The following RGS1 variants were observed in gnomAD, a reference collection of about 807,000 sequenced individuals.
RGS1 encodes regulator of G protein signaling 1, also known as B-cell activation protein BL34.
RGS1 carries 11 observed loss-of-function variants against 22.2 expected under a neutral mutation model. That is an observed-to-expected ratio of 0.50 (90% CI 0.31 to 0.82). The LOEUF (loss-of-function observed/expected upper bound fraction) is 0.82. Ranked by LOEUF, RGS1 falls within the 40% of genes least tolerant of loss-of-function variation. RGS1 has a pLI of 0.04. For synonymous variants in RGS1, 81 were observed against 79.9 expected (o/e 1.01, Z -0.07); for missense variants, 255 against 245.8 (o/e 1.04, Z -0.25).
chr1:192,576,592 T>C (rs560968517), intron 2 of RGS1, 182 bp from the exon 3 acceptor site: 10 of 613,456 alleles, frequency 1.6e-5, no homozygotes, highest in Middle Eastern at 4.4e-4. Context: ...TATTGGCAGG[T>C]TTTTTTTTTC....
chr1:192,579,547 C>T lies in RGS1; in HGVS notation c.*225C>T, dbSNP rs1010699707. The stretch of plus-strand genomic sequence containing the variant: ...GCAGAAGGAGGAAGATACTGTGGTA[C>T]TGTCATAAAAAACAGTGGAGCTCTG... On this transcript the variant is annotated 3_prime_UTR_variant, in exon 5 of 5. Coordinates refer to ENST00000367459, the MANE Select transcript of RGS1 (RefSeq NM_002922.4). 9 of 457,222 alleles carry T rather than the reference C, an allele frequency of 2.0e-5. No individual in the cohort carries two copies. The Admixed American group carries it at 3.7e-4, about 19-fold the overall frequency. 28.3% of individuals were successfully genotyped at this position (457,222 alleles called of 1,614,324 possible).
chr1:192,576,180 C>A, intron 1 of RGS1, 105 bp from the exon 2 acceptor site: 2 of 1,019,290 alleles, frequency 2.0e-6, no homozygotes, highest in South Asian at 1.6e-5. Context: ...TTGTATCAAC[C>A]ATTTTTAGTA....
At chr1:192,578,661 T>A (rs2760532) in intron 4 of RGS1, 3 of 507,034 alleles carry the variant, frequency 5.9e-6, no homozygotes, top group African/African-American at 3.9e-5. Context: ...CAGAACTGCA[T>A]GTCAGGGAGT....
At position 192,578,273 on chromosome 1, in the gene RGS1, A is replaced by G; in HGVS notation, c.332A>G (p.Asn111Ser). Residue 111 changes from asparagine (N) to serine (S), a missense_variant, in exon 4 of 5, where the codon AAT (asparagine) becomes AGT (serine). Physicochemically the swap from Asn to Ser is conservative, Grantham distance 46. Coordinates refer to ENST00000367459, the MANE Select transcript of RGS1 (RefSeq NM_002922.4). ...SFLKSEFSEE[N>S]IEFWLACEDY... Reference sequence around the variant, plus strand: ...CTAAAGTCTGAATTCAGTGAGGAGAATATTGAGTTCTGGCTGGCTTGTGAA... The same window carrying G: ...CTAAAGTCTGAATTCAGTGAGGAGAGTATTGAGTTCTGGCTGGCTTGTGAA... 1 of 1,613,102 alleles carries G rather than the reference A, an allele frequency of 6.2e-7. No individual in the cohort carries two copies. Among genetic ancestry groups the G allele is most frequent in the East Asian group, 2.2e-5 (1 of 44,846 alleles).
At chr1:192,576,219 T>C in intron 1 of RGS1, 66 bp from the exon 2 acceptor site, 4 of 1,298,214 alleles carry the variant, frequency 3.1e-6, no homozygotes, top group African/African-American at 1.5e-5. Context: ...AAATTTATTC[T>C]ATGTCTTTTT....
At chr1:192,577,895 T>C in intron 3 of RGS1, 1 of 257,600 alleles carries the variant, frequency 3.9e-6, no homozygotes, top group Non-Finnish European at 7.4e-6. Context: ...AGATTTGGCA[T>C]ATATAAAAGA....
intron 1 of RGS1, 113 bp from the exon 2 acceptor site, chr1:192,576,172 G>T: frequency 2.1e-6 from 2 of 974,476 alleles, no homozygotes; most frequent in Non-Finnish European, 3.1e-6. Flanking sequence ...GCAAAATGTT[G>T]TATCAACCAT....
chr1:192,577,595 A>C (rs1190232914), intron 3 of RGS1: 1 of 152,432 alleles, frequency 6.6e-6, no homozygotes, highest in Non-Finnish European at 1.5e-5. Context: ...CCCCACAGAC[A>C]CCCTAAGGAG....
At chr1:192,575,966 C>T (rs1662051110) in intron 1 of RGS1, 37 bp downstream of exon 1, 1 of 1,608,822 alleles carries the variant, frequency 6.2e-7, no homozygotes, top group Non-Finnish European at 8.5e-7. Flanking sequence ...TGAATTTTAA[C>T]AAGTTATCTT....
chr1:192,578,566 C>T, intron 4 of RGS1, 181 bp downstream of exon 4: 1 of 713,406 alleles, frequency 1.4e-6, no homozygotes, highest in South Asian at 2.0e-5. Flanking sequence ...GTGAGGGTTT[C>T]AGCACAGTAG....
intron 4 of RGS1, 127 bp downstream of exon 4, chr1:192,578,512 T>C (rs1662103084): frequency 5.9e-6 from 6 of 1,021,780 alleles, no homozygotes; most frequent in South Asian, 1.6e-5. Context: ...TACTTAGGCA[T>C]ATAAATATAG....
chr1:192,576,801 G>C lies in RGS1; in HGVS notation c.246G>C (p.Trp82Cys), dbSNP rs1403214627. The change falls in exon 3 of 5, where the codon TGG (tryptophan) becomes TGC (cysteine). Residue 82 changes from tryptophan (W) to cysteine (C), a missense_variant. Physicochemically the swap from Trp to Cys is radical, Grantham distance 215. Transcript: ENST00000367459. Reference sequence around the variant, plus strand: ...TTTCTGCTGCTGAAGTAATGCAATGGTCTCAATCTCTGGAAAAACTTCTTG... The same window carrying C: ...TTTCTGCTGCTGAAGTAATGCAATGCTCTCAATCTCTGGAAAAACTTCTTG... ...DVLSAAEVMQ[W>C]SQSLEKLLAN... 2 of 1,611,984 alleles carry C rather than the reference G, an allele frequency of 1.2e-6. No individual in the cohort carries two copies. Among genetic ancestry groups the C allele is most frequent in the Non-Finnish European group, 1.7e-6 (2 of 1,178,892 alleles).
intron 4 of RGS1, chr1:192,578,805 A>G (rs1662110060): frequency 2.8e-6 from 1 of 357,304 alleles, no homozygotes; most frequent in Non-Finnish European, 5.0e-6. Flanking sequence ...ATATCAACAA[A>G]AAGAGCCTTC....
Position 192,579,118 on chromosome 1 carries a change from AC to A in RGS1, c.445-18del, listed in dbSNP as rs1296190482. ...AGTAAAGAAAAGTATATATTAGCTAACAAGGTTTTCTTTTTTAGATCAATAT... is the reference window on the plus strand; with the variant it reads ...AGTAAAGAAAAGTATATATTAGCTAAAAGGTTTTCTTTTTTAGATCAATAT... On this transcript the variant is annotated intron_variant, in intron 4 of 4. Coordinates refer to ENST00000367459, the MANE Select transcript of RGS1 (RefSeq NM_002922.4). The A allele has an allele frequency of 1.1e-5, 17 of 1,598,996 alleles. No homozygotes were observed. The highest frequency in any genetic ancestry group is 1.4e-5 in the Non-Finnish European group (17 of 1,175,578).
At chr1:192,576,691 A>G in intron 2 of RGS1, 83 bp from the exon 3 acceptor site, 1 of 1,179,136 alleles carries the variant, frequency 8.5e-7, no homozygotes. Context: ...TTGTGAAGTT[A>G]TCAAAGTGTA....
In RGS1 at chr1:192,576,753, T is replaced by C. The variant is rs538204163; in HGVS notation, c.219-21T>C. On this transcript the variant is annotated intron_variant, in intron 2 of 4. Coordinates refer to ENST00000367459, the MANE Select transcript of RGS1 (RefSeq NM_002922.4). ...TACATTTTAAAAATTGACTAATGTA[T>C]GTACATTTTGTCCCCTGCAGACTTT... 4.4e-6 allele frequency: 7 copies of C among 1,606,116 alleles called. No homozygotes were observed. In the East Asian group the frequency reaches 6.7e-5, roughly 15 times the overall value.
At chr1:192,578,596 C>CA in intron 4 of RGS1, 1 of 619,562 alleles carries the variant, frequency 1.6e-6, no homozygotes, top group Non-Finnish European at 2.7e-6. Context: ...ACTGATTTTA[C>CA]AAAACCAGCT....
Position 192,579,259 on chromosome 1 carries a change from G to T in RGS1, c.567G>T (p.Arg189Ser). ...TTATGGAAAAGGACTCTTATCCCAG[G>T]TTCCTCAAATCAGATATTTACTTAA... ...YTLMEKDSYP[R>S]FLKSDIYLNL... Residue 189 changes from arginine to serine, a missense_variant, in exon 5 of 5, where the codon AGG becomes AGT. Physicochemically the swap from Arg to Ser is moderately radical, Grantham distance 110 (BLOSUM62 -1). Coordinates refer to ENST00000367459, the MANE Select transcript of RGS1 (RefSeq NM_002922.4). 6.2e-7 allele frequency: 1 copy of T among 1,613,068 alleles called. No individual in the cohort carries two copies. Among genetic ancestry groups the T allele is most frequent in the Non-Finnish European group, 8.5e-7 (1 of 1,179,350 alleles).
Position 192,575,919 on chromosome 1 carries a change from C to A in RGS1, c.127C>A (p.Pro43Thr). 2.5e-6 allele frequency: 4 copies of A among 1,612,808 alleles called. No individual in the cohort carries two copies. Among genetic ancestry groups the A allele is most frequent in the Non-Finnish European group, 3.4e-6 (4 of 1,179,220 alleles). Residue 43 changes from proline to threonine, a missense_variant, in exon 1 of 5, where the codon CCA (proline) becomes ACA (threonine). Coordinates refer to ENST00000367459, the MANE Select transcript of RGS1 (RefSeq NM_002922.4). Reference protein sequence around the residue: ...LLDDKMQKRRPKTFGMDMKAY... With the variant: ...LLDDKMQKRRTKTFGMDMKAY... The stretch of plus-strand genomic sequence containing the variant: ...AGACGACAAAATGCAAAAAAGGAGG[C>A]CAAAGACTTTGTAAGTTTGTTCAGA...
Sources: gnomAD v4.1 joint callset for allele counts on GRCh38, gnomAD v4.1.1 for gene constraint, MANE v1.5 for transcripts, NCBI Gene and HGNC (gene_info 2026-07-23, HGNC 2026-07-21) for gene names.